DEFA6: variants seen among roughly 807,000 people sequenced by gnomAD.
DEFA6 encodes the protein defensin-6.
DEFA6 carries 8 observed loss-of-function variants against 5.1 expected under a neutral mutation model. The observed-to-expected ratio is 1.57, with a 90% CI of 0.92 to 2.83. The LOEUF (loss-of-function observed/expected upper bound fraction) is 2.83, where lower values mean the gene tolerates loss of function less well. Among genes scored for constraint, DEFA6 ranks in the 30% most tolerant of loss-of-function variants. The pLI is 0.00. For missense variants in DEFA6, 191 were observed against 119.1 expected (o/e 1.60, Z -2.81); for synonymous variants, 74 against 45.3 (o/e 1.63, Z -2.54).
In DEFA6 at chr8:6,924,879, G is replaced by T. The variant is rs1025470172; in HGVS notation, c.242C>A (p.Thr81Lys). Reference sequence around the variant, plus strand: ...AGTGCAGGTCCCATAGGAATATTCTGTTGAATAACAGGACCTTCTGCAATG... The same window carrying T: ...AGTGCAGGTCCCATAGGAATATTCTTTTGAATAACAGGACCTTCTGCAATG... ...TCHCRRSCYS[T>K]EYSYGTCTVM... The change falls in exon 2 of 2, where the codon ACA becomes AAA. Residue 81 changes from threonine to lysine, a missense_variant. By Grantham distance (78) the Thr-to-Lys change is moderately conservative. Transcript: ENST00000297436. 26 of 1,611,976 alleles carry T rather than the reference G, an allele frequency of 1.6e-5. No individual in the cohort carries two copies. Among genetic ancestry groups the T allele is most frequent in the Non-Finnish European group, 2.2e-5 (26 of 1,178,298 alleles).
At chr8:6,925,154 A>G (rs982739542) in intron 1 of DEFA6, among the ~76,000 whole-genome samples, 1 of 148,884 alleles carries the variant, frequency 6.7e-6, no homozygotes, top group Non-Finnish European at 1.5e-5. Flanking sequence ...CTTCCCTGTC[A>G]CACACACATC....
At chr8:6,925,033 T>A in intron 1 of DEFA6, 106 bp from the exon 2 acceptor site, 5 of 681,766 alleles carry the variant, frequency 7.3e-6, no homozygotes, top group Non-Finnish European at 1.3e-5. Context: ...TAATGCTGGC[T>A]GCATTACAGC....
intron 1 of DEFA6, among the ~76,000 whole-genome samples, chr8:6,925,450 C>G (rs186100663): frequency 2.5e-3 from 378 of 152,222 alleles, no homozygotes; most frequent in African/African-American, 8.8e-3. Flanking sequence ...TTGCGTGAAC[C>G]CAGGAGGCAG....
In DEFA6 at chr8:6,926,024, G is replaced by C. The variant is rs373665080; in HGVS notation, c.12C>G (p.Leu4=). The change falls in exon 1 of 2, where the codon CTC becomes CTG. Residue 4 remains leucine (L), a synonymous_variant. Transcript: ENST00000297436. ...CGAGGAGAACAGCAGTGAGGATGGT[G>C]AGGGTTCTCATGGCTAGGGTCGCTG... MRT[L]TILTAVLLVA... The C allele has an allele frequency of 3.2e-5, 51 of 1,610,420 alleles. No homozygotes were observed. The highest frequency in any genetic ancestry group is 6.8e-6 in the Non-Finnish European group (8 of 1,178,734).
intron 1 of DEFA6, 102 bp downstream of exon 1, chr8:6,925,741 G>T: frequency 2.1e-6 from 2 of 935,246 alleles, no homozygotes; most frequent in Non-Finnish European, 1.5e-6. Context: ...GAGGCCTGGG[G>T]AGGTGATCAC....
rs764473117 is a variant in DEFA6 at position 6,925,846 on chromosome 8, A to G, written c.190T>C (p.Leu64=). ...CTGCAATGCTGGTGTCTCTTACCCAAAGCTCTAAGACTTGAGCTTGCATCC... is the reference window on the plus strand; with the variant it reads ...CTGCAATGCTGGTGTCTCTTACCCAGAGCTCTAAGACTTGAGCTTGCATCC... The part of the protein sequence containing the change: ...AEDASSSLRA[L]GSTRAFTCHC... Residue 64 remains leucine, a synonymous_variant, in exon 1 of 2, where the codon TTG becomes CTG. Coordinates refer to ENST00000297436, the MANE Select transcript of DEFA6 (RefSeq NM_001926.4). 15 of 1,610,454 alleles carry G rather than the reference A, an allele frequency of 9.3e-6. No individual in the cohort carries two copies. Among genetic ancestry groups the G allele is most frequent in the Middle Eastern group, 1.7e-4 (1 of 6,050 alleles).
chr8:6,925,316 C>T (rs149867409), intron 1 of DEFA6, among the ~76,000 whole-genome samples: 2 of 151,560 alleles, frequency 1.3e-5, no homozygotes, highest in Non-Finnish European at 1.5e-5. Flanking sequence ...GTCAGGAGTT[C>T]AAGACTAGCC....
Position 6,925,862 on chromosome 8 carries a change from G to A in DEFA6, c.174C>T (p.Ser58=). 5 of 1,613,428 alleles carry A rather than the reference G, an allele frequency of 3.1e-6. No individual in the cohort carries two copies. Among genetic ancestry groups the A allele is most frequent in the Non-Finnish European group, 3.4e-6 (4 of 1,179,736 alleles). ...TCTTACCCAAAGCTCTAAGACTTGA[G>A]CTTGCATCCTCTGCAAAGGAGACGG... ...DFAVSFAEDA[S]SSLRALGSTR... is the part of the protein sequence containing the mutation. Residue 58 remains serine, a synonymous_variant, in exon 1 of 2, where the codon AGC becomes AGT. Transcript: ENST00000297436.
At chr8:6,925,518 C>T (rs974754987) in intron 1 of DEFA6, among the ~76,000 whole-genome samples, 13 of 152,110 alleles carry the variant, frequency 8.5e-5, no homozygotes, top group African/African-American at 2.9e-4. Flanking sequence ...CAGAGCGAGA[C>T]TCCATCAAAC....
Position 6,925,826 on chromosome 8 carries a change from A to G in DEFA6, c.193+17T>C, listed in dbSNP as rs1808415438. 5.6e-6 allele frequency: 9 copies of G among 1,598,526 alleles called. No homozygotes were observed. The highest frequency in any genetic ancestry group is 4.5e-5 in the East Asian group (2 of 44,736). On this transcript the variant is annotated intron_variant, in intron 1 of 1. Coordinates refer to ENST00000297436, the MANE Select transcript of DEFA6 (RefSeq NM_001926.4). ...TCCTCTCTACACTCCTAGCTCTGCAATGCTGGTGTCTCTTACCCAAAGCTC... is the reference window on the plus strand; with the variant it reads ...TCCTCTCTACACTCCTAGCTCTGCAGTGCTGGTGTCTCTTACCCAAAGCTC...
rs755335114 is a variant in DEFA6 at position 6,925,965 on chromosome 8, G to A, written c.71C>T (p.Ala24Val). Residue 24 changes from alanine (A) to valine (V), a missense_variant, in exon 1 of 2, where the codon GCT (alanine) becomes GTT (valine). Ala to Val is a moderately conservative substitution (Grantham distance 64, BLOSUM62 0). Transcript: ENST00000297436. Reference protein sequence around the residue: ...ALQAKAEPLQAEDDPLQAKAY... With the variant: ...ALQAKAEPLQVEDDPLQAKAY... ...TTTTGCCTGCAGTGGATCATCCTCAGCTTGGAGTGGCTCAGCCTTGGCCTG... is the reference window on the plus strand; with the variant it reads ...TTTTGCCTGCAGTGGATCATCCTCAACTTGGAGTGGCTCAGCCTTGGCCTG... 1.9e-6 allele frequency: 3 copies of A among 1,613,898 alleles called. No individual in the cohort carries two copies. Among genetic ancestry groups the A allele is most frequent in the Non-Finnish European group, 2.5e-6 (3 of 1,179,956 alleles).
intron 1 of DEFA6, 42 bp from the exon 2 acceptor site, chr8:6,924,969 G>T (rs926843621): frequency 7.4e-6 from 10 of 1,347,384 alleles, no homozygotes; most frequent in Non-Finnish European, 8.5e-6. Context: ...GAGCACCAGG[G>T]TCAGCAGCGG....
chr8:6,926,059 G>A lies in DEFA6; in HGVS notation c.-24C>T, dbSNP rs781256397. ...ATGGCTAGGGTCGCTGGAGGAGAGA[G>A]AGCAGGAGCAGATGTGTGGGGAGTG... On this transcript the variant is annotated 5_prime_UTR_variant, in exon 1 of 2. Coordinates refer to ENST00000297436, the MANE Select transcript of DEFA6 (RefSeq NM_001926.4). The A allele has an allele frequency of 1.3e-6, 2 of 1,583,936 alleles. No individual in the cohort carries two copies. The highest frequency in any genetic ancestry group is 1.7e-6 in the Non-Finnish European group (2 of 1,166,424).
chr8:6,924,899 G>T lies in DEFA6; in HGVS notation c.222C>A (p.Cys74Ter), dbSNP rs766752430. ...ATTCTGTTGAATAACAGGACCTTCTGCAATGGCAAGTGAAAGCCCTTGTTG... is the reference window on the plus strand; with the variant it reads ...ATTCTGTTGAATAACAGGACCTTCTTCAATGGCAAGTGAAAGCCCTTGTTG... ...LGSTRAFTCH[C>*]RRSCYSTEYS... Residue 74 changes from cysteine to a stop codon, truncating the protein, a stop_gained, in exon 2 of 2, where the codon TGC becomes TGA. Transcript: ENST00000297436. LOFTEE classifies it low-confidence loss of function (END_TRUNC). 5.6e-6 allele frequency: 9 copies of T among 1,609,872 alleles called. No homozygotes were observed. The highest frequency in any genetic ancestry group is 7.6e-6 in the Non-Finnish European group (9 of 1,176,598).
At chr8:6,925,729 T>G (rs774688198) in intron 1 of DEFA6, 114 bp downstream of exon 1, 33 of 792,870 alleles carry the variant, frequency 4.2e-5, no homozygotes, top group Non-Finnish European at 6.2e-5. Flanking sequence ...CATAAAGTAA[T>G]TGAGGCCTGG....
At chr8:6,925,704 C>T (rs1485632294) in intron 1 of DEFA6, 139 bp downstream of exon 1, 2 of 589,318 alleles carry the variant, frequency 3.4e-6, no homozygotes, top group East Asian at 3.1e-5. Flanking sequence ...ACTGATTCTT[C>T]CTTTTCAGTA....
intron 1 of DEFA6, among the ~76,000 whole-genome samples, 192 bp downstream of exon 1, chr8:6,925,651 T>C (rs1056538478): frequency 2.0e-5 from 3 of 152,238 alleles, no homozygotes; most frequent in African/African-American, 7.2e-5. Context: ...AGACTTATCA[T>C]AGAATTAAAA....
In DEFA6 at chr8:6,926,026, G is replaced by C. The variant is rs1172780276; in HGVS notation, c.10C>G (p.Leu4Val). Residue 4 changes from leucine to valine, a missense_variant, in exon 1 of 2, where the codon CTC becomes GTC. Coordinates refer to ENST00000297436, the MANE Select transcript of DEFA6 (RefSeq NM_001926.4). MRT[L>V]TILTAVLLVA... is the part of the protein sequence containing the mutation. ...AGGAGAACAGCAGTGAGGATGGTGA[G>C]GGTTCTCATGGCTAGGGTCGCTGGA... is the stretch of plus-strand genomic sequence containing the variant. The C allele has an allele frequency of 6.2e-7, 1 of 1,609,674 alleles. No individual in the cohort carries two copies. Among genetic ancestry groups the C allele is most frequent in the Non-Finnish European group, 8.5e-7 (1 of 1,178,444 alleles).
At chr8:6,925,309 A>C in intron 1 of DEFA6, among the ~76,000 whole-genome samples, 1 of 152,172 alleles carries the variant, frequency 6.6e-6, no homozygotes, top group East Asian at 1.9e-4. Context: ...TCACAAGGTC[A>C]GGAGTTCAAG....
Sources: gnomAD v4.1 joint callset for allele counts (sites outside exome capture counted in the v4.1 genomes callset) on GRCh38, gnomAD v4.1.1 for gene constraint, MANE v1.5 for transcripts, NCBI Gene and HGNC (gene_info 2026-07-23, HGNC 2026-07-21) for gene names.